The following CRYBG1 variants were observed in gnomAD, a reference collection of about 807,000 sequenced individuals.
CRYBG1 encodes crystallin beta-gamma domain containing 1.
CRYBG1 carries 139 observed loss-of-function variants against 189.2 expected under a neutral mutation model. The observed-to-expected ratio is 0.73, with a 90% CI of 0.64 to 0.85. CRYBG1 has a LOEUF of 0.85. Ranked by LOEUF, CRYBG1 falls within the 40% of genes least tolerant of loss-of-function variation. The pLI is 0.00. For synonymous variants in CRYBG1, 1,023 were observed against 1,017.1 expected, an observed-to-expected ratio of 1.01 and a Z score of -0.11; for missense variants, 2,611 against 2,675.8, an observed-to-expected ratio of 0.98 and a Z score of 0.53.
At chr6:106,541,352 A>C (rs1774125191) in intron 9 of CRYBG1, 1 of 666,836 alleles carries the variant, frequency 1.5e-6, no homozygotes, top group African/African-American at 1.8e-5. Flanking sequence ...GTCAAAAAAC[A>C]CTCCTACAAC....
intron 6 of CRYBG1, among the ~76,000 whole-genome samples, chr6:106,526,908 T>C (rs1442641112): frequency 7.7e-6 from 1 of 130,666 alleles, no homozygotes; most frequent in Non-Finnish European, 1.5e-5. Context: ...ACCACTGCAC[T>C]CTAGCCTGGG....
At chr6:106,468,732 C>T (rs1772163169) in intron 2 of CRYBG1, among the ~76,000 whole-genome samples, 2 of 152,250 alleles carry the variant, frequency 1.3e-5, no homozygotes, top group East Asian at 3.9e-4. Context: ...TTTTTACTCT[C>T]CCAGAAAACA....
At position 106,397,921 on chromosome 6, in the gene CRYBG1, ATC is replaced by A. The variant is rs149424223; in HGVS notation, c.173+36844_173+36845del. ...TCAATGGAAACTATGGATATTGACT[ATC>A]TCTGTATCAAATTTATATGGCCCCA... On this transcript the variant is annotated intron_variant, in intron 1 of 21. Coordinates refer to ENST00000633556, the MANE Select transcript of CRYBG1 (RefSeq NM_001371242.2). Among the ~76,000 whole-genome samples, 744 of 152,268 alleles carry A rather than the reference ATC, an allele frequency of 4.9e-3. 9 individuals are homozygous for A. The highest frequency in any genetic ancestry group is 0.017 in the African/African-American group (707 of 41,540).
intron 1 of CRYBG1, among the ~76,000 whole-genome samples, chr6:106,397,719 A>T (rs1770640914): frequency 6.6e-6 from 1 of 152,218 alleles, no homozygotes; most frequent in East Asian, 1.9e-4. Flanking sequence ...CACTAACTCC[A>T]TGACTACTGA....
intron 10 of CRYBG1, 80 bp from the exon 11 acceptor site, chr6:106,543,360 G>C: frequency 7.3e-7 from 1 of 1,378,812 alleles, no homozygotes; most frequent in South Asian, 1.3e-5. Context: ...TCAGGACTTA[G>C]TGATATTAAA....
chr6:106,532,964 G>A (rs1439145825), intron 8 of CRYBG1, among the ~76,000 whole-genome samples: 1 of 152,154 alleles, frequency 6.6e-6, no homozygotes, highest in Non-Finnish European at 1.5e-5. Context: ...CATGTGCCAG[G>A]TGCTTTTCTA....
chr6:106,415,505 G>A (rs539993391), intron 1 of CRYBG1, among the ~76,000 whole-genome samples: 4 of 151,816 alleles, frequency 2.6e-5, no homozygotes, highest in African/African-American at 7.2e-5. Flanking sequence ...CAGGCAGATC[G>A]CTTGAGCCTA....
chr6:106,517,509 T>C (rs201804973), intron 3 of CRYBG1, among the ~76,000 whole-genome samples: 30 of 150,108 alleles, frequency 2.0e-4, no homozygotes, highest in African/African-American at 6.4e-4. Context: ...TATATATATA[T>C]ACACACACAC....
At chr6:106,373,382 A>G (rs1770081678) in intron 1 of CRYBG1, among the ~76,000 whole-genome samples, 1 of 152,164 alleles carries the variant, frequency 6.6e-6, no homozygotes, top group South Asian at 2.1e-4. Flanking sequence ...TAAGGTGACA[A>G]ATGTTGAGGA....
At chr6:106,465,692 C>T (rs991188582) in intron 2 of CRYBG1, among the ~76,000 whole-genome samples, 10 of 152,030 alleles carry the variant, frequency 6.6e-5, no homozygotes, top group African/African-American at 1.2e-4. Flanking sequence ...TTTATGTAAC[C>T]GTTTTATTAA....
intron 2 of CRYBG1, among the ~76,000 whole-genome samples, chr6:106,490,883 T>C (rs1216993436): frequency 1.2e-5 from 1 of 84,464 alleles, no homozygotes; most frequent in Non-Finnish European, 2.4e-5. Flanking sequence ...TTGATCATTT[T>C]TCAACTTGTA....
intron 21 of CRYBG1, among the ~76,000 whole-genome samples, chr6:106,568,251 G>A (rs1193507471): frequency 6.6e-6 from 1 of 152,170 alleles, no homozygotes; most frequent in Non-Finnish European, 1.5e-5. Flanking sequence ...TGAAGGTGCT[G>A]GTGCCCCAAT....
chr6:106,554,708 C>T (rs1774492470), intron 16 of CRYBG1, among the ~76,000 whole-genome samples: 1 of 152,192 alleles, frequency 6.6e-6, no homozygotes. Context: ...TATCCCCTGC[C>T]TGCTTCATTT....
intron 1 of CRYBG1, among the ~76,000 whole-genome samples, chr6:106,431,096 A>T (rs1042688025): frequency 6.6e-6 from 1 of 152,000 alleles, no homozygotes; most frequent in Non-Finnish European, 1.5e-5. Flanking sequence ...TCCTGACCTC[A>T]AGTGATCCAC....
Position 106,520,982 on chromosome 6 carries a change from T to G in CRYBG1, c.3774T>G (p.Pro1258=), listed in dbSNP as rs1160241774. ...SSLPQDKIFS[P]SVTSVNTMTT... ...TACCACAAGACAAAATCTTTTCTCC[T>G]TCTGTGACATCAGTCAACACTATGA... The change falls in exon 4 of 22, where the codon CCT becomes CCG. Residue 1258 remains proline, a synonymous_variant. Transcript: ENST00000633556. The G allele has an allele frequency of 1.2e-6, 2 of 1,614,086 alleles. No homozygotes were observed. The highest frequency in any genetic ancestry group is 2.7e-5 in the African/African-American group (2 of 74,938).
chr6:106,439,825 G>A (rs1466755066), intron 1 of CRYBG1, among the ~76,000 whole-genome samples: 1 of 152,104 alleles, frequency 6.6e-6, no homozygotes, highest in Non-Finnish European at 1.5e-5. Context: ...AAAAGCCTAT[G>A]ATTAAATTGA....
chr6:106,377,015 T>C (rs3851213), intron 1 of CRYBG1, among the ~76,000 whole-genome samples: 67,810 of 152,078 alleles, frequency 0.45, 17,213 homozygotes, highest in South Asian at 0.61. Flanking sequence ...TCAATTCTTA[T>C]AAACATTGTA....
chr6:106,368,542 G>A (rs1011373505), intron 1 of CRYBG1, among the ~76,000 whole-genome samples: 2 of 152,172 alleles, frequency 1.3e-5, no homozygotes, highest in Non-Finnish European at 2.9e-5. Context: ...AATTGCTTAT[G>A]AGTCTCATTA....
chr6:106,557,206 T>A (rs908745938), intron 17 of CRYBG1, among the ~76,000 whole-genome samples: 1 of 152,228 alleles, frequency 6.6e-6, no homozygotes, highest in Non-Finnish European at 1.5e-5. Context: ...AATTTTTGTC[T>A]TCTTTCCTCC....
Sources: allele counts gnomAD v4.1 joint callset (sites outside exome capture counted in the v4.1 genomes callset), GRCh38; gene constraint gnomAD v4.1.1; transcripts MANE v1.5; gene names NCBI Gene and HGNC (gene_info 2026-07-23, HGNC 2026-07-21).